SASS6: variants seen among roughly 807,000 people sequenced by gnomAD.
SASS6 encodes spindle assembly abnormal protein 6 homolog.
Under a neutral mutation model 94.9 loss-of-function variants are expected in SASS6, and 59 were observed. The ratio of observed to expected loss-of-function variants is 0.62; its 90% CI spans 0.50 to 0.77. SASS6 has a LOEUF of 0.77. Ranked by LOEUF, SASS6 falls within the 30% of genes least tolerant of loss-of-function variation. The probability of loss-of-function intolerance (pLI) is 0.00; values close to 1 mark genes in which losing one functional copy is unlikely to be tolerated. For missense variants in SASS6, 698 were observed against 734.1 expected, an observed-to-expected ratio of 0.95 and a Z score of 0.57; for synonymous variants, 264 against 270.0, an observed-to-expected ratio of 0.98 and a Z score of 0.22.
rs1374936103 is a variant in SASS6, at chr1:100,085,546, A to G, written c.1857T>C (p.Phe619=). ...GAAATCCCTGCTTACCTGAATTACT[A>G]AATAGGTTCTGGCTGAGTCCGCGTA... ...IPLRGLSQNL[F]SNSDHQRDGT... is the part of the protein sequence containing the mutation. The change falls in exon 16 of 17, where the codon TTT becomes TTC. Residue 619 remains phenylalanine (F), a synonymous_variant. Coordinates refer to ENST00000287482, the MANE Select transcript of SASS6 (RefSeq NM_194292.3). 1 of 1,610,978 alleles carries G rather than the reference A, an allele frequency of 6.2e-7. No individual in the cohort carries two copies. Among genetic ancestry groups the G allele is most frequent in the Non-Finnish European group, 8.5e-7 (1 of 1,177,362 alleles).
intron 14 of SASS6, 115 bp downstream of exon 14, chr1:100,102,840 C>G (rs747075874): frequency 1.0e-4 from 76 of 748,456 alleles, no homozygotes; most frequent in Non-Finnish European, 1.5e-4. Context: ...TAATACACTA[C>G]CTACTACTTA....
chr1:100,086,346 T>C (rs1275949431), intron 15 of SASS6, among the ~76,000 whole-genome samples: 1 of 152,138 alleles, frequency 6.6e-6, no homozygotes, highest in East Asian at 1.9e-4. Flanking sequence ...CTTTAAAGTT[T>C]GATACCCGGT....
Position 100,132,742 on chromosome 1 carries a change from GA to G in SASS6, c.65+7del. The G allele has an allele frequency of 6.2e-7, 1 of 1,612,380 alleles. No homozygotes were observed. The highest frequency in any genetic ancestry group is 1.3e-5 in the African/African-American group (1 of 75,008). On this transcript the variant is annotated splice_region_variant and intron_variant, in intron 1 of 16. Transcript: ENST00000287482. ...CCACCCGCGGGCACTGGATGACGCG[GA>G]CCTTACCTCTCCTCACAGTCTTTGC...
At chr1:100,086,498 G>A (rs1651278097) in intron 15 of SASS6, among the ~76,000 whole-genome samples, 2 of 147,280 alleles carry the variant, frequency 1.4e-5, no homozygotes, top group South Asian at 4.3e-4. Context: ...AAATTGCTCT[G>A]TCTATAATGA....
At chr1:100,095,265 C>A (rs1322788177) in intron 14 of SASS6, among the ~76,000 whole-genome samples, 1 of 152,222 alleles carries the variant, frequency 6.6e-6, no homozygotes, top group Non-Finnish European at 1.5e-5. Context: ...CAGTGGCCTA[C>A]ACCTGTAATC....
At chr1:100,128,602 A>G (rs1275372401) in intron 1 of SASS6, among the ~76,000 whole-genome samples, 1 of 152,240 alleles carries the variant, frequency 6.6e-6, no homozygotes, top group Non-Finnish European at 1.5e-5. Context: ...GTAGAAAAAT[A>G]CAAGCTTTCA....
intron 8 of SASS6, among the ~76,000 whole-genome samples, chr1:100,109,580 T>C (rs1653153256): frequency 6.6e-6 from 1 of 152,046 alleles, no homozygotes; most frequent in Middle Eastern, 3.4e-3. Context: ...TGTACATGTA[T>C]CCTGGAACTT....
chr1:100,085,210 CTT>C lies in SASS6; in HGVS notation c.*116_*117del. The C allele has an allele frequency of 1.4e-6, 1 of 732,818 alleles. No individual in the cohort carries two copies. The highest frequency in any genetic ancestry group is 1.6e-5 in the South Asian group (1 of 63,002). The allele number at this position is 732,818 out of a possible 1,614,324, so 45.4% of individuals were successfully genotyped here. A position where few individuals can be genotyped will look rare whatever the true frequency, so the allele number is the denominator to read the frequency against. ...AAAAGCAGTACTTAAAGTATCCAGTCTTTAACAGCTCAAGTAAAATTTGAAAC... is the reference window on the plus strand; with the variant it reads ...AAAAGCAGTACTTAAAGTATCCAGTCTAACAGCTCAAGTAAAATTTGAAAC... On this transcript the variant is annotated 3_prime_UTR_variant, in exon 17 of 17. Transcript: ENST00000287482.
At chr1:100,108,318 T>C (rs1653064485) in intron 8 of SASS6, among the ~76,000 whole-genome samples, 1 of 152,208 alleles carries the variant, frequency 6.6e-6, no homozygotes, top group African/African-American at 2.4e-5. Flanking sequence ...ATTCCAAGGG[T>C]AACCACGGGT....
chr1:100,101,965 T>C (rs1031981676), intron 14 of SASS6, among the ~76,000 whole-genome samples: 3 of 152,240 alleles, frequency 2.0e-5, no homozygotes, highest in Non-Finnish European at 4.4e-5. Context: ...TTATCTTTTA[T>C]ACAATATTTT....
chr1:100,119,944 C>A (rs550815146), intron 6 of SASS6, among the ~76,000 whole-genome samples: 1 of 152,262 alleles, frequency 6.6e-6, no homozygotes, highest in African/African-American at 2.4e-5. Flanking sequence ...GATACTCTGG[C>A]CTTCAATTTC....
chr1:100,085,469 C>A, intron 16 of SASS6, 35 bp from the exon 17 acceptor site: 1 of 1,560,570 alleles, frequency 6.4e-7, no homozygotes, highest in Non-Finnish European at 8.8e-7. Context: ...TACTGGTATT[C>A]ATTAAGTCTT....
Position 100,123,288 on chromosome 1 carries a change from T to A in SASS6, c.128A>T (p.Asp43Val). Residue 43 changes from aspartate to valine, a missense_variant and splice_region_variant, in exon 3 of 17, where the codon GAC becomes GTC. Physicochemically the swap from Asp to Val is radical, Grantham distance 152. Coordinates refer to ENST00000287482, the MANE Select transcript of SASS6 (RefSeq NM_194292.3). ...QSVSNPVHRKDLVIRLTDDTD... is the reference protein window; with the variant it reads ...QSVSNPVHRKVLVIRLTDDTD... ...GTCATCAGTCAGACGAATAACTAAG[T>A]CCTAAAAGAAAGTTTGTTGTTTTTA... 1 of 1,499,596 alleles carries A rather than the reference T, an allele frequency of 6.7e-7. No homozygotes were observed. Among genetic ancestry groups the A allele is most frequent in the Non-Finnish European group, 9.2e-7 (1 of 1,089,688 alleles). The allele number at this position is 1,499,596 out of a possible 1,614,324, so 92.9% of individuals were successfully genotyped here.
chr1:100,105,690 A>C (rs1168967157), intron 13 of SASS6, 77 bp downstream of exon 13: 3 of 1,423,508 alleles, frequency 2.1e-6, no homozygotes, highest in Non-Finnish European at 2.9e-6. Flanking sequence ...TAAATCATGG[A>C]AACTTCCTAA....
At chr1:100,131,392 C>CT (rs1326303831) in intron 1 of SASS6, among the ~76,000 whole-genome samples, 1 of 152,018 alleles carries the variant, frequency 6.6e-6, no homozygotes, top group Non-Finnish European at 1.5e-5. Flanking sequence ...TTTAAAAAGA[C>CT]TTTTAAAAGC....
At chr1:100,131,793 AC>A (rs1332055894) in intron 1 of SASS6, among the ~76,000 whole-genome samples, 4 of 152,232 alleles carry the variant, frequency 2.6e-5, no homozygotes, top group African/African-American at 9.6e-5. Flanking sequence ...TTTTTATGTT[AC>A]ATTTGTACAC....
intron 7 of SASS6, among the ~76,000 whole-genome samples, chr1:100,110,785 C>T (rs1653263712): frequency 6.6e-6 from 1 of 151,610 alleles, no homozygotes; most frequent in Non-Finnish European, 1.5e-5. Context: ...AGGGAAGATG[C>T]TATATAAGTT....
At chr1:100,101,407 C>T (rs562539496) in intron 14 of SASS6, among the ~76,000 whole-genome samples, 1 of 151,512 alleles carries the variant, frequency 6.6e-6, no homozygotes, top group East Asian at 1.9e-4. Context: ...CACTGAAAGT[C>T]TTGCTCCTGT....
rs764350472 is a variant in SASS6, at chr1:100,123,191, C to T, written c.206+19G>A. On this transcript the variant is annotated intron_variant, in intron 3 of 16. Transcript: ENST00000287482. ...CTTATTTTTTCACTAAATATAAGAT[C>T]AGAAAAAAATTTAGTTACCTTTGAA... 4.7e-6 allele frequency: 5 copies of T among 1,065,918 alleles called. No individual in the cohort carries two copies. The highest frequency in any genetic ancestry group is 7.1e-6 in the Non-Finnish European group (5 of 702,252). 66.0% of individuals were successfully genotyped at this position (1,065,918 alleles called of 1,614,324 possible).
Sources: gnomAD v4.1 joint callset for allele counts (sites outside exome capture counted in the v4.1 genomes callset) on GRCh38, gnomAD v4.1.1 for gene constraint, MANE v1.5 for transcripts, NCBI Gene and HGNC (gene_info 2026-07-23, HGNC 2026-07-21) for gene names.